SEMA4F: variants seen among roughly 807,000 people sequenced by gnomAD.
SEMA4F encodes semaphorin-4F.
In SEMA4F, 51 loss-of-function variants were observed where a neutral mutation model predicts 78.4. The observed-to-expected ratio is 0.65, with a 90% CI of 0.52 to 0.82. The LOEUF is 0.82. SEMA4F is among the 40% of genes least tolerant of loss of function. The pLI, the probability that SEMA4F is intolerant of heterozygous loss-of-function variation, is 0.00. For missense variants in SEMA4F, 938 were observed against 1,014.4 expected (o/e 0.92, Z 1.02); for synonymous variants, 418 against 408.7 (o/e 1.02, Z -0.27).
chr2:74,675,876 A>T lies in SEMA4F; in HGVS notation c.1610A>T (p.Asp537Val). Residue 537 changes from aspartate to valine, a missense_variant, in exon 12 of 14, where the codon GAT (aspartate) becomes GTT (valine). Physicochemically the swap from Asp to Val is radical, Grantham distance 152 (BLOSUM62 -3). Transcript: ENST00000357877. The stretch of plus-strand genomic sequence containing the variant: ...GTCTGTGCCTGGAGCTTCCGGCTGG[A>T]TGAGTGTGTGGCCCATGCCGGGGAG... ...DPVCAWSFRL[D>V]ECVAHAGEHR... 4.3e-6 allele frequency: 7 copies of T among 1,614,008 alleles called. No individual in the cohort carries two copies. The highest frequency in any genetic ancestry group is 1.7e-5 in the Admixed American group (1 of 60,026).
At chr2:74,677,805 C>T (rs2105012984) in intron 12 of SEMA4F, among the ~76,000 whole-genome samples, 1 of 152,248 alleles carries the variant, frequency 6.6e-6, no homozygotes, top group Admixed American at 6.5e-5. Flanking sequence ...AAGTACTTGT[C>T]TTTTGGAATA....
At chr2:74,671,753 A>G (rs1004858253) in intron 5 of SEMA4F, among the ~76,000 whole-genome samples, 3 of 152,194 alleles carry the variant, frequency 2.0e-5, no homozygotes, top group Admixed American at 6.5e-5. Flanking sequence ...TTTCCTCTCC[A>G]GCTGCCTCTT....
Position 74,654,487 on chromosome 2 carries a change from C to T in SEMA4F, c.111C>T (p.Pro37=). Residue 37 remains proline (P), a synonymous_variant, in exon 1 of 14, where the codon CCC becomes CCT. Transcript: ENST00000357877. ...VLSGPVSGRV[P]RSVPRTSLPI... ...GCGGCCCGGTATCCGGCCGCGTCCC[C>T]CGCTCGGTGCCCAGAACCTCGCTTC... 1 of 1,576,046 alleles carries T rather than the reference C, an allele frequency of 6.3e-7. No individual in the cohort carries two copies. Among genetic ancestry groups the T allele is most frequent in the Non-Finnish European group, 8.6e-7 (1 of 1,165,060 alleles).
chr2:74,691,146 A>T, the SEMA4F span, among the ~76,000 whole-genome samples: 2 of 152,206 alleles, frequency 1.3e-5, no homozygotes, highest in African/African-American at 4.8e-5. Context: ...CTAATTCAAG[A>T]AACAAGGATA....
At chr2:74,699,151 G>C in the SEMA4F span, among the ~76,000 whole-genome samples, 638 of 152,230 alleles carry the variant, frequency 4.2e-3, 5 homozygotes, top group African/African-American at 0.015. Context: ...CTTGAATGCT[G>C]TCAATAACTG....
rs148475050 is a variant in SEMA4F at position 74,657,809 on chromosome 2, G to A, written c.358-44G>A. ...TCCTGACGTTACCTTACCCTTCCTCGTACCTGCTGCTTCTGATTCTTTCTA... is the reference window on the plus strand; with the variant it reads ...TCCTGACGTTACCTTACCCTTCCTCATACCTGCTGCTTCTGATTCTTTCTA... On this transcript the variant is annotated intron_variant, in intron 3 of 13. Transcript: ENST00000357877. 4,970 of 1,572,428 alleles carry A rather than the reference G, an allele frequency of 3.2e-3. 193 individuals carry two copies. In the Admixed American group the frequency reaches 0.074, roughly 23 times the overall value.
the SEMA4F span, among the ~76,000 whole-genome samples, chr2:74,708,375 A>G: frequency 2.0e-5 from 3 of 152,116 alleles, no homozygotes; most frequent in Non-Finnish European, 4.4e-5. Flanking sequence ...GAGGCACCCC[A>G]ACCCTTCCTT....
chr2:74,677,754 A>C (rs1685373015), intron 12 of SEMA4F, among the ~76,000 whole-genome samples: 1 of 152,256 alleles, frequency 6.6e-6, no homozygotes, highest in Admixed American at 6.5e-5. Flanking sequence ...CAAAATCCAG[A>C]ATATTACAAA....
At chr2:74,655,805 G>A (rs1450079497) in intron 1 of SEMA4F, among the ~76,000 whole-genome samples, 1 of 152,026 alleles carries the variant, frequency 6.6e-6, no homozygotes, top group East Asian at 1.9e-4. Context: ...GGAGTGGGCG[G>A]GACTCATCAG....
intron 4 of SEMA4F, among the ~76,000 whole-genome samples, chr2:74,661,714 A>C (rs942497960): frequency 9.9e-5 from 15 of 152,182 alleles, no homozygotes; most frequent in African/African-American, 3.1e-4. Flanking sequence ...GTAAAATAGA[A>C]TCTTGTTTGC....
At chr2:74,699,464 C>G in the SEMA4F span, among the ~76,000 whole-genome samples, 1 of 152,194 alleles carries the variant, frequency 6.6e-6, no homozygotes, top group East Asian at 1.9e-4. Flanking sequence ...GTTTGCAATG[C>G]CTCAGGGGGA....
At chr2:74,667,173 A>G (rs1433051347) in intron 5 of SEMA4F, among the ~76,000 whole-genome samples, 1 of 152,232 alleles carries the variant, frequency 6.6e-6, no homozygotes, top group Non-Finnish European at 1.5e-5. Flanking sequence ...ACACAGATGG[A>G]TGTAGCATGA....
intron 5 of SEMA4F, 81 bp from the exon 6 acceptor site, chr2:74,673,376 T>C: frequency 6.4e-7 from 1 of 1,565,744 alleles, no homozygotes; most frequent in Non-Finnish European, 8.7e-7. Flanking sequence ...CTGCCCTGCT[T>C]TATGCCCTAC....
chr2:74,703,655 C>T, the SEMA4F span, among the ~76,000 whole-genome samples: 7 of 152,222 alleles, frequency 4.6e-5, no homozygotes, highest in East Asian at 1.9e-4. Flanking sequence ...TGGATCCCCA[C>T]GTGACCTGGC....
intron 5 of SEMA4F, among the ~76,000 whole-genome samples, chr2:74,671,902 A>C (rs920380615): frequency 2.0e-5 from 3 of 152,158 alleles, no homozygotes; most frequent in Non-Finnish European, 4.4e-5. Context: ...ATGAATTTCA[A>C]ATCCTGTTAA....
intron 5 of SEMA4F, 55 bp downstream of exon 5, chr2:74,662,880 C>A: frequency 7.2e-7 from 1 of 1,396,076 alleles, no homozygotes; most frequent in Non-Finnish European, 1.0e-6. Context: ...TCCTTCCCCA[C>A]CCTTGCTGTT....
chr2:74,657,842 C>G lies in SEMA4F; in HGVS notation c.358-11C>G, dbSNP rs1573225851. 6.2e-7 allele frequency: 1 copy of G among 1,612,352 alleles called. No individual in the cohort carries two copies. The highest frequency in any genetic ancestry group is 1.6e-4 in the Middle Eastern group (1 of 6,062). ...TGCTTCTGATTCTTTCTAACCGTCTCTGACCCCCAGGACGAATGTCACAAT... is the reference window on the plus strand; with the variant it reads ...TGCTTCTGATTCTTTCTAACCGTCTGTGACCCCCAGGACGAATGTCACAAT... On this transcript the variant is annotated splice_polypyrimidine_tract_variant and intron_variant, in intron 3 of 13. Coordinates refer to ENST00000357877, the MANE Select transcript of SEMA4F (RefSeq NM_004263.5).
At position 74,680,094 on chromosome 2, in the gene SEMA4F, G is replaced by T; in HGVS notation, c.2198G>T (p.Arg733Met). 3 of 1,613,974 alleles carry T rather than the reference G, an allele frequency of 1.9e-6. No individual in the cohort carries two copies. Among genetic ancestry groups the T allele is most frequent in the South Asian group, 1.1e-5 (1 of 91,080 alleles). ...CGGTTGCCGCTGGCCCTGGCCAAGAGGGGCAGTGGCTTTGGTGGATTCTCA... is the reference window on the plus strand; with the variant it reads ...CGGTTGCCGCTGGCCCTGGCCAAGATGGGCAGTGGCTTTGGTGGATTCTCA... ...DERLPLALAK[R>M]GSGFGGFSPP... The change falls in exon 14 of 14, where the codon AGG (arginine) becomes ATG (methionine). Residue 733 changes from arginine to methionine, a missense_variant. Physicochemically the swap from Arg to Met is moderately conservative, Grantham distance 91 (BLOSUM62 -1). Transcript: ENST00000357877.
chr2:74,659,989 T>C (rs1277939229), intron 4 of SEMA4F, among the ~76,000 whole-genome samples: 1 of 152,166 alleles, frequency 6.6e-6, no homozygotes, highest in African/African-American at 2.4e-5. Context: ...TCCTAATTTG[T>C]TTTGTTGAGG....
Sources: gnomAD v4.1 joint callset for allele counts (sites outside exome capture counted in the v4.1 genomes callset) on GRCh38, gnomAD v4.1.1 for gene constraint, MANE v1.5 for transcripts, NCBI Gene and HGNC (gene_info 2026-07-23, HGNC 2026-07-21) for gene names.